Variants in AGO1 observed in about 807,000 individuals in gnomAD.
AGO1 encodes the protein argonaute RISC component 1.
A neutral mutation model predicts 109.2 loss-of-function variants in AGO1; 11 were observed. The ratio of observed to expected loss-of-function variants is 0.10; its 90% confidence interval spans 0.06 to 0.17. The LOEUF (loss-of-function observed/expected upper bound fraction) is 0.17, where lower values mean the gene tolerates loss of function less well. Among genes scored for constraint, AGO1 ranks in the 10% least tolerant of loss-of-function variants. The pLI, the probability that AGO1 is intolerant of heterozygous loss-of-function variation, is 1.00. For synonymous variants in AGO1, 422 were observed against 418.6 expected, an observed-to-expected ratio of 1.01 and a Z score of -0.10; for missense variants, 574 against 1,140.3, an observed-to-expected ratio of 0.50 and a Z score of 7.15.
At chr1:35,908,334 A>G (rs1274390273) in intron 12 of AGO1, among the ~76,000 whole-genome samples, 1 of 152,194 alleles carries the variant, frequency 6.6e-6, no homozygotes, top group African/African-American at 2.4e-5. Context: ...TTGGTATTCT[A>G]CAGGTTCCTA....
chr1:35,918,932 T>A, intron 17 of AGO1, 123 bp from the exon 18 acceptor site: 3 of 863,604 alleles, frequency 3.5e-6, no homozygotes, highest in Non-Finnish European at 5.6e-6. Context: ...ATTGGTAGTT[T>A]TGCATCTGCC....
upstream of AGO1, among the ~76,000 whole-genome samples, chr1:35,880,397 G>A (rs1645025801): frequency 6.6e-6 from 1 of 152,020 alleles, no homozygotes; most frequent in Non-Finnish European, 1.5e-5. Context: ...CAATAAGTAA[G>A]TAAATAAATA....
chr1:35,871,150 T>G (rs756410665), intron 1 of AGO1, among the ~76,000 whole-genome samples: 1 of 152,176 alleles, frequency 6.6e-6, no homozygotes, highest in African/African-American at 2.4e-5. Context: ...GTTGTACCAG[T>G]TTACACTCCC....
rs191314227 is a variant in AGO1, at chr1:35,907,627, C to T, written c.1582+508C>T. ...AGCACTTTTCTTTTATGCCATTTTC[C>T]GTCTCCATCTCTCCTGCTTCAAAGC... On this transcript the variant is annotated intron_variant, in intron 12 of 18. Transcript: ENST00000373204. Among the ~76,000 whole-genome samples the T allele has an allele frequency of 1.2e-4, 18 of 151,996 alleles. No homozygotes were observed. The East Asian group carries it at 2.9e-3, about 25-fold the overall frequency.
intron 2 of AGO1, among the ~76,000 whole-genome samples, chr1:35,891,943 T>C (rs1210619691): frequency 6.6e-6 from 1 of 152,064 alleles, no homozygotes; most frequent in African/African-American, 2.4e-5. Flanking sequence ...AGTGGTGTGA[T>C]TATAGCTCAC....
chr1:35,894,667 A>AG (rs1645287072), intron 7 of AGO1, among the ~76,000 whole-genome samples: 1 of 151,998 alleles, frequency 6.6e-6, no homozygotes, highest in African/African-American at 2.4e-5. Flanking sequence ...GATTCCTGTT[A>AG]GGGTTAGGCA....
rs747438396 is a variant in AGO1, at chr1:35,888,507, A to G, written c.106A>G (p.Ile36Val). 1.9e-6 allele frequency: 3 copies of G among 1,614,232 alleles called. No homozygotes were observed. The highest frequency in any genetic ancestry group is 2.7e-5 in the African/African-American group (2 of 75,064). The change falls in exon 2 of 19, where the codon ATC becomes GTC. Residue 36 changes from isoleucine to valine, a missense_variant. Coordinates refer to ENST00000373204, the MANE Select transcript of AGO1 (RefSeq NM_012199.5). This position sits in a 1 kb window ranked among gnomAD's most constrained non-coding sequence, Gnocchi z 4.1. ...TGGCATTGGCACTGTGGGGAAACCA[A>G]TCAAGCTCCTGGCCAATTACTTTGA... ...RPGIGTVGKPIKLLANYFEVD... is the reference protein window; with the variant it reads ...RPGIGTVGKPVKLLANYFEVD...
At chr1:35,880,384 C>G (rs1479649347), upstream of AGO1, among the ~76,000 whole-genome samples, 1 of 152,020 alleles carries the variant, frequency 6.6e-6, no homozygotes, top group African/African-American at 2.4e-5. Context: ...ACCCTCATCT[C>G]TACAATAAGT....
In AGO1 at chr1:35,883,222, C is replaced by G. The variant is rs1287948787; in HGVS notation, c.-200C>G. On this transcript the variant is annotated 5_prime_UTR_variant, in exon 1 of 19. Coordinates refer to ENST00000373204, the MANE Select transcript of AGO1 (RefSeq NM_012199.5). This position sits in a 1 kb window ranked among gnomAD's most constrained non-coding sequence, Gnocchi z 5.4. ...TCGCGCCTGCGCACTGGCAGCTGGCCGGGCGCTCGCAGTGGGAGCTGCTGC... is the reference window on the plus strand; with the variant it reads ...TCGCGCCTGCGCACTGGCAGCTGGCGGGGCGCTCGCAGTGGGAGCTGCTGC... 8.2e-7 allele frequency: 1 copy of G among 1,220,656 alleles called. No homozygotes were observed. The highest frequency in any genetic ancestry group is 1.0e-6 in the Non-Finnish European group (1 of 976,946). 75.6% of individuals were successfully genotyped at this position (1,220,656 alleles called of 1,614,324 possible). A position where few individuals can be genotyped will look rare whatever the true frequency, so the allele number is the denominator to read the frequency against.
At chr1:35,906,874 T>G (rs569693435) in intron 11 of AGO1, 61 bp from the exon 12 acceptor site, 2 of 1,499,630 alleles carry the variant, frequency 1.3e-6, no homozygotes, top group African/African-American at 2.8e-5. Flanking sequence ...GATGGATGGA[T>G]TTTTGTCAGA....
intron 14 of AGO1, 29 bp from the exon 15 acceptor site, chr1:35,915,319 G>C (rs1173883742): frequency 2.7e-5 from 43 of 1,598,772 alleles, no homozygotes; most frequent in Non-Finnish European, 3.5e-5. Context: ...GAAGGTTCTA[G>C]GAGCTAATCC....
chr1:35,896,610 C>T (rs1387233372), intron 8 of AGO1, among the ~76,000 whole-genome samples: 1 of 151,790 alleles, frequency 6.6e-6, no homozygotes, highest in Non-Finnish European at 1.5e-5. Context: ...CTGCCTGCCT[C>T]GGCCTCCCAA....
intron 2 of AGO1, among the ~76,000 whole-genome samples, chr1:35,890,179 C>T (rs1393542298): frequency 2.0e-5 from 3 of 151,814 alleles, no homozygotes; most frequent in Non-Finnish European, 4.4e-5. Flanking sequence ...CCCACCACCA[C>T]GCCTGGCTAA....
intron 11 of AGO1, among the ~76,000 whole-genome samples, chr1:35,906,125 T>C (rs1645515423): frequency 6.6e-6 from 1 of 152,228 alleles, no homozygotes; most frequent in Admixed American, 6.5e-5. Context: ...TGTCCTCTCT[T>C]GCAACTTTGT....
rs539239603 is a variant in AGO1, at chr1:35,886,072, C to T, written c.26-2355C>T. 9.9e-5 allele frequency among the ~76,000 whole-genome samples: 15 copies of T among 152,242 alleles called. No homozygotes were observed. In the East Asian group the frequency reaches 2.5e-3, roughly 25 times the overall value. Reference sequence around the variant, plus strand: ...AGGAATCCTGAGCCAGGGTTTTCAGCTCTGTTACTTTTCCTTCTCTGGGCT... The same window carrying T: ...AGGAATCCTGAGCCAGGGTTTTCAGTTCTGTTACTTTTCCTTCTCTGGGCT... On this transcript the variant is annotated intron_variant, in intron 1 of 18. Coordinates refer to ENST00000373204, the MANE Select transcript of AGO1 (RefSeq NM_012199.5).
chr1:35,922,133 G>A lies in AGO1; in HGVS notation c.*2526G>A, dbSNP rs1249885644. The A allele has an allele frequency of 6.5e-6, 1 of 152,686 alleles. No individual in the cohort carries two copies. Among genetic ancestry groups the A allele is most frequent in the Non-Finnish European group, 1.5e-5 (1 of 68,066 alleles). 9.5% of individuals were successfully genotyped at this position (152,686 alleles called of 1,614,324 possible). A position where few individuals can be genotyped will look rare whatever the true frequency, so the allele number is the denominator to read the frequency against. On this transcript the variant is annotated 3_prime_UTR_variant, in exon 19 of 19. Coordinates refer to ENST00000373204, the MANE Select transcript of AGO1 (RefSeq NM_012199.5). Reference sequence around the variant, plus strand: ...AGCCTCTACTCCCAGCAACAAGTTTGTGTTCTCTCCTTTTCTCTCTTTGCC... The same window carrying A: ...AGCCTCTACTCCCAGCAACAAGTTTATGTTCTCTCCTTTTCTCTCTTTGCC...
chr1:35,915,350 G>T lies in AGO1; in HGVS notation c.1836G>T (p.Val612=), dbSNP rs1397084516. The T allele has an allele frequency of 1.2e-6, 2 of 1,612,700 alleles. No homozygotes were observed. The highest frequency in any genetic ancestry group is 2.2e-5 in the South Asian group (2 of 91,052). The stretch of plus-strand genomic sequence containing the variant: ...AATCCTTTCTCTCTGACTGTCAGGT[G>T]GTAGGCAGTATGGATGCCCACCCCA... The part of the protein sequence containing the change: ...GDGKKPSITA[V]VGSMDAHPSR... Residue 612 remains valine (V), a splice_region_variant and synonymous_variant, in exon 15 of 19, where the codon GTG becomes GTT. Transcript: ENST00000373204.
At position 35,921,948 on chromosome 1, in the gene AGO1, A is replaced by G. The variant is rs1645841340; in HGVS notation, c.*2341A>G. 1 of 152,684 alleles carries G rather than the reference A, an allele frequency of 6.5e-6. No individual in the cohort carries two copies. The highest frequency in any genetic ancestry group is 1.5e-5 in the Non-Finnish European group (1 of 68,090). 9.5% of individuals were successfully genotyped at this position (152,684 alleles called of 1,614,324 possible). On this transcript the variant is annotated 3_prime_UTR_variant, in exon 19 of 19. Transcript: ENST00000373204. ...TGTCCATTGCCTTCATATACAGTCT[A>G]CTTCGTGTTCTGTCACCCTTTGGGG...
chr1:35,874,666 T>TA lies in AGO1; in HGVS notation c.-201+4766dup, dbSNP rs1644979238. On this transcript the variant is annotated intron_variant, in intron 1 of 18. Coordinates refer to the AGO1 transcript ENST00000373206. ...CTTTAAGTCAGAAGCTAGAAATGAT[T>TA]AAACTTAGTGAGGAAGACATATAGA... Among the ~76,000 whole-genome samples, 3 of 152,312 alleles carry TA rather than the reference T, an allele frequency of 2.0e-5. No individual in the cohort carries two copies. In the South Asian group the frequency reaches 6.2e-4, roughly 32 times the overall value.
Sources: allele counts gnomAD v4.1 joint callset (sites outside exome capture counted in the v4.1 genomes callset), GRCh38; gene constraint gnomAD v4.1.1; non-coding constraint Gnocchi (gnomAD v3.1); transcripts MANE v1.5; gene names NCBI Gene and HGNC (gene_info 2026-07-23, HGNC 2026-07-21).